Variants in BAZ2B observed in about 807,000 individuals in gnomAD.
The protein encoded by BAZ2B is bromodomain adjacent to zinc finger domain protein 2B.
BAZ2B carries 91 observed loss-of-function variants against 246.0 expected under a neutral mutation model. That is an observed-to-expected ratio of 0.37 (90% CI 0.31 to 0.44). The LOEUF (loss-of-function observed/expected upper bound fraction) is 0.44, where lower values mean the gene tolerates loss of function less well. Ranked by LOEUF, BAZ2B falls within the 20% of genes least tolerant of loss-of-function variation. The pLI is 1.00. For synonymous variants in BAZ2B, 855 were observed against 860.0 expected (o/e 0.99, Z 0.10); for missense variants, 2,332 against 2,533.7 (o/e 0.92, Z 1.71).
chr2:159,397,309 T>C (rs2064179541), intron 19 of BAZ2B, 36 bp downstream of exon 19: 18 of 1,436,476 alleles, frequency 1.3e-5, no homozygotes, highest in Non-Finnish European at 1.5e-5. Context: ...TTATAAAATG[T>C]ACATTCAACA....
chr2:159,473,527 ATTTTTTGAGGGG>A, intron 3 of BAZ2B, among the ~76,000 whole-genome samples: 1 of 151,848 alleles, frequency 6.6e-6, no homozygotes, highest in Non-Finnish European at 1.5e-5. Flanking sequence ...GGATTCATTG[ATTTTTTGAGGGG>A]TTTTTTGTTT....
intron 20 of BAZ2B, among the ~76,000 whole-genome samples, chr2:159,394,429 T>C (rs1306915694): frequency 6.6e-6 from 1 of 152,130 alleles, no homozygotes; most frequent in Non-Finnish European, 1.5e-5. Flanking sequence ...CACAGATGTA[T>C]AGATTCAATT....
intron 36 of BAZ2B, chr2:159,321,788 T>C (rs1316213781): frequency 2.0e-5 from 3 of 152,128 alleles, no homozygotes; most frequent in African/African-American, 4.8e-5. Context: ...GGATAGTTAA[T>C]GGGTACAAAA....
rs777492400 is a variant in BAZ2B at position 159,517,869 on chromosome 2, C to A, written c.-3+37954G>T. On this transcript the variant is annotated intron_variant, in intron 2 of 36. Coordinates refer to ENST00000392783, the MANE Select transcript of BAZ2B (RefSeq NM_013450.4). ...ACATCACTAATCACCACCTTTACTA[C>A]AATGACACATGAAATAGCAAGTTTT... Among the ~76,000 whole-genome samples the A allele has an allele frequency of 1.6e-4, 25 of 152,186 alleles. 1 individual carries two copies. Among genetic ancestry groups the A allele is most frequent in the Non-Finnish European group, 3.1e-4 (21 of 68,020 alleles).
intron 20 of BAZ2B, among the ~76,000 whole-genome samples, chr2:159,390,698 G>A (rs2063227058): frequency 6.6e-6 from 1 of 152,142 alleles, no homozygotes; most frequent in African/African-American, 2.4e-5. Context: ...ATTGCTAGCA[G>A]TTTCAAGACT....
intron 27 of BAZ2B, among the ~76,000 whole-genome samples, chr2:159,351,154 T>G (rs562295356): frequency 2.6e-5 from 4 of 152,324 alleles, no homozygotes; most frequent in Admixed American, 2.6e-4. Flanking sequence ...ATTTTTGTAT[T>G]AAACTTCTAG....
At chr2:159,391,281 C>T (rs1316221232) in intron 20 of BAZ2B, among the ~76,000 whole-genome samples, 4 of 152,172 alleles carry the variant, frequency 2.6e-5, no homozygotes. Context: ...GCATGTACTA[C>T]AGTGTCTATG....
At chr2:159,525,872 G>C (rs1425335861) in intron 2 of BAZ2B, among the ~76,000 whole-genome samples, 2 of 152,160 alleles carry the variant, frequency 1.3e-5, no homozygotes, top group Admixed American at 1.3e-4. Context: ...CACACTAAGT[G>C]TTTGATTTTA....
At position 159,478,689 on chromosome 2, in the gene BAZ2B, C is replaced by T; in HGVS notation, c.31G>A (p.Ala11Thr). 1 of 1,600,604 alleles carries T rather than the reference C, an allele frequency of 6.2e-7. No individual in the cohort carries two copies. The highest frequency in any genetic ancestry group is 8.5e-7 in the Non-Finnish European group (1 of 1,172,848). The change falls in exon 3 of 37, where the codon GCA (alanine) becomes ACA (threonine). Residue 11 changes from alanine to threonine, a missense_variant. Ala to Thr is a moderately conservative substitution (Grantham distance 58). Transcript: ENST00000392783. ...GAAGTTGGTGTAGTAGAGGAGGCTG[C>T]TGAGGATGGTAACCGTTCTCCAGAC... MESGERLPSS[A>T]ASSTTPTSSS... is the part of the protein sequence containing the mutation.
chr2:159,456,275 TA>T (rs879752096), intron 3 of BAZ2B, among the ~76,000 whole-genome samples: 12 of 152,018 alleles, frequency 7.9e-5, no homozygotes, highest in Admixed American at 7.9e-4. Context: ...TAATTGGTAG[TA>T]AGTAATAAAT....
intron 13 of BAZ2B, among the ~76,000 whole-genome samples, chr2:159,420,867 G>A (rs567682458): frequency 9.2e-5 from 14 of 152,218 alleles, no homozygotes; most frequent in African/African-American, 3.1e-4. Flanking sequence ...ACAGAAGTCC[G>A]TAGGAAATTT....
At chr2:159,566,689 A>C (rs1442728843) in intron 1 of BAZ2B, among the ~76,000 whole-genome samples, 2 of 152,200 alleles carry the variant, frequency 1.3e-5, no homozygotes, top group African/African-American at 4.8e-5. Flanking sequence ...AAAGTTAAGA[A>C]TTTTAAAGTT....
intron 3 of BAZ2B, among the ~76,000 whole-genome samples, chr2:159,475,484 A>G (rs2078407798): frequency 6.6e-6 from 1 of 152,104 alleles, no homozygotes; most frequent in African/African-American, 2.4e-5. Context: ...GCTTCATCGC[A>G]TTGGTTTAGA....
chr2:159,655,512 C>T, the BAZ2B span, among the ~76,000 whole-genome samples: 1 of 152,046 alleles, frequency 6.6e-6, no homozygotes, highest in African/African-American at 2.4e-5. Context: ...AGTGTTTTTC[C>T]TTTATGGGAT....
chr2:159,497,782 C>A (rs1163823500), intron 2 of BAZ2B, among the ~76,000 whole-genome samples: 2 of 152,130 alleles, frequency 1.3e-5, no homozygotes, highest in African/African-American at 4.8e-5. Context: ...CTGTTCCCTG[C>A]CAACGAAAGA....
At chr2:159,400,108 G>T (rs533104746) in intron 17 of BAZ2B, among the ~76,000 whole-genome samples, 2 of 152,176 alleles carry the variant, frequency 1.3e-5, no homozygotes, top group Non-Finnish European at 2.9e-5. Flanking sequence ...TATTACTTTT[G>T]CTGTTGCCAA....
intron 33 of BAZ2B, among the ~76,000 whole-genome samples, chr2:159,336,479 A>G (rs1189592918): frequency 6.6e-6 from 1 of 152,246 alleles, no homozygotes; most frequent in Non-Finnish European, 1.5e-5. Flanking sequence ...TGCCAAATAC[A>G]TGATATAAGC....
intron 2 of BAZ2B, among the ~76,000 whole-genome samples, chr2:159,488,140 C>T (rs1451798921): frequency 6.6e-6 from 1 of 152,096 alleles, no homozygotes; most frequent in East Asian, 1.9e-4. Context: ...GCAGTGCAAT[C>T]TCGGCTACTG....
intron 1 of BAZ2B, among the ~76,000 whole-genome samples, chr2:159,594,023 T>A (rs1690009521): frequency 6.6e-6 from 1 of 152,186 alleles, no homozygotes; most frequent in Non-Finnish European, 1.5e-5. Flanking sequence ...TCCACCACTA[T>A]CCATTTCCAG....
Sources: allele counts gnomAD v4.1 joint callset (sites outside exome capture counted in the v4.1 genomes callset), GRCh38; gene constraint gnomAD v4.1.1; transcripts MANE v1.5; gene names NCBI Gene and HGNC (gene_info 2026-07-23, HGNC 2026-07-21).